The following WDR37 variants were observed in gnomAD, a reference collection of about 807,000 sequenced individuals.
The protein encoded by WDR37 is WD repeat-containing protein 37.
In WDR37, 19 loss-of-function variants were observed where a neutral mutation model predicts 62.9. The ratio of observed to expected loss-of-function variants is 0.30; its 90% CI spans 0.21 to 0.44. The LOEUF (loss-of-function observed/expected upper bound fraction) is 0.44, where lower values mean the gene tolerates loss of function less well. Ranked by LOEUF, WDR37 falls within the 20% of genes least tolerant of loss-of-function variation. WDR37 has a pLI of 1.00. For missense variants in WDR37, 474 were observed against 657.6 expected (o/e 0.72, Z 3.05); for synonymous variants, 250 against 260.9 (o/e 0.96, Z 0.40).
In WDR37 at chr10:1,121,575, G is replaced by A. The variant is rs1006253940; in HGVS notation, c.1104-2643G>A. On this transcript the variant is annotated intron_variant, in intron 11 of 13. Transcript: ENST00000263150. The surrounding 1 kb of genome is among the most constrained non-coding windows in gnomAD (Gnocchi z 4.5). ...GCTGCTCTCGTTACCCAGGCTGGGC[G>A]TTTGCTTGTGTCCTGCCCCGTGTGA... Among the ~76,000 whole-genome samples the A allele has an allele frequency of 3.9e-5, 6 of 152,188 alleles. No individual in the cohort carries two copies. The highest frequency in any genetic ancestry group is 7.2e-5 in the African/African-American group (3 of 41,430).
intron 1 of WDR37, among the ~76,000 whole-genome samples, chr10:1,065,573 G>A (rs1188141482): frequency 6.6e-6 from 1 of 151,782 alleles, no homozygotes; most frequent in Non-Finnish European, 1.5e-5. Flanking sequence ...AGTGTAATTG[G>A]TCCTGTCAGT....
At chr10:1,094,202 C>T (rs1024040586) in intron 8 of WDR37, among the ~76,000 whole-genome samples, 11 of 152,174 alleles carry the variant, frequency 7.2e-5, no homozygotes, top group Non-Finnish European at 1.0e-4. Flanking sequence ...CAGGCTCTGT[C>T]GCCAGTACTG....
chr10:1,079,933 T>C (rs573884452), intron 3 of WDR37, 78 bp from the exon 4 acceptor site: 4 of 1,184,028 alleles, frequency 3.4e-6, no homozygotes, highest in Non-Finnish European at 4.9e-6. Context: ...ATTTTTTCTG[T>C]GTGCGAGTTT....
At chr10:1,080,779 G>A (rs535239376) in intron 5 of WDR37, among the ~76,000 whole-genome samples, 1 of 151,926 alleles carries the variant, frequency 6.6e-6, no homozygotes, top group Non-Finnish European at 1.5e-5. Context: ...GGTGGCGGGT[G>A]CCTGTAATCC....
At chr10:1,069,904 A>G (rs530194073) in intron 1 of WDR37, among the ~76,000 whole-genome samples, 34 of 152,256 alleles carry the variant, frequency 2.2e-4, no homozygotes, top group Admixed American at 1.4e-3. Flanking sequence ...ATCTGCAGTT[A>G]TTTCAAAATA....
Position 1,056,829 on chromosome 10 carries a change from G to T in WDR37, c.-180G>T, listed in dbSNP as rs1589065943. 1 of 152,364 alleles carries T rather than the reference G, an allele frequency of 6.6e-6. No individual in the cohort carries two copies. Among genetic ancestry groups the T allele is most frequent in the African/African-American group, 2.4e-5 (1 of 41,452 alleles). The allele number at this position is 152,364 out of a possible 1,614,324, so 9.4% of individuals were successfully genotyped here. On this transcript the variant is annotated 5_prime_UTR_variant, in exon 1 of 14. Transcript: ENST00000263150. Reference sequence around the variant, plus strand: ...CGGAAGTGCATTAGCGCCAGGTTGGGGTTGTGGGGTCGCGTCAGTGCGGAG... The same window carrying T: ...CGGAAGTGCATTAGCGCCAGGTTGGTGTTGTGGGGTCGCGTCAGTGCGGAG...
At position 1,129,263 on chromosome 10, in the gene WDR37, G is replaced by A. The variant is rs1316191738; in HGVS notation, c.1404G>A (p.Val468=). ...CGGCATGGAGTGAAGACCACCCCGT[G>A]TGCAATCTGTTCACCTGTGGGTTTG... ...CCSAWSEDHP[V]CNLFTCGFDR... Residue 468 remains valine, a synonymous_variant, in exon 14 of 14, where the codon GTG becomes GTA. Coordinates refer to ENST00000263150, the MANE Select transcript of WDR37 (RefSeq NM_014023.4). 1 of 1,614,184 alleles carries A rather than the reference G, an allele frequency of 6.2e-7. No homozygotes were observed. Among genetic ancestry groups the A allele is most frequent in the Admixed American group, 1.7e-5 (1 of 60,026 alleles).
At chr10:1,109,593 C>T (rs1277007992) in intron 11 of WDR37, among the ~76,000 whole-genome samples, 1 of 152,158 alleles carries the variant, frequency 6.6e-6, no homozygotes, top group Non-Finnish European at 1.5e-5. Context: ...CGCCTGTAAT[C>T]CCAGCTACTT....
At chr10:1,095,732 A>G (rs1436555565) in intron 8 of WDR37, among the ~76,000 whole-genome samples, 1 of 152,212 alleles carries the variant, frequency 6.6e-6, no homozygotes, top group Non-Finnish European at 1.5e-5. Context: ...ACACATGAGC[A>G]GTGCTGATAG....
rs560629464 is a variant in WDR37 at position 1,060,139 on chromosome 10, C to A, written c.-41+3171C>A. Among the ~76,000 whole-genome samples, 3 of 152,282 alleles carry A rather than the reference C, an allele frequency of 2.0e-5. No individual in the cohort carries two copies. In the South Asian group the frequency reaches 6.2e-4, roughly 32 times the overall value. Reference sequence around the variant, plus strand: ...CGGGCATGAGCCATCATGCCTGGCCCAATATTACAGCATTTCTAAAGATGA... The same window carrying A: ...CGGGCATGAGCCATCATGCCTGGCCAAATATTACAGCATTTCTAAAGATGA... On this transcript the variant is annotated intron_variant, in intron 1 of 13. Transcript: ENST00000263150.
intron 7 of WDR37, among the ~76,000 whole-genome samples, chr10:1,092,111 C>T (rs1426722978): frequency 7.1e-5 from 10 of 141,194 alleles, no homozygotes; most frequent in African/African-American, 1.6e-4. Flanking sequence ...ACCTGGGAGG[C>T]GGAGCTTGCA....
chr10:1,075,153 C>T (rs1361892754), intron 2 of WDR37, among the ~76,000 whole-genome samples: 1 of 152,194 alleles, frequency 6.6e-6, no homozygotes, highest in African/African-American at 2.4e-5. Flanking sequence ...TGTAAGCGCG[C>T]TCTTCCTGGG....
In WDR37 at chr10:1,131,801, G is replaced by T. The variant is rs937388582; in HGVS notation, c.*2457G>T. On this transcript the variant is annotated 3_prime_UTR_variant, in exon 14 of 14. Transcript: ENST00000263150. The stretch of plus-strand genomic sequence containing the variant: ...TTGGAAGTGGGAACAGTTTTGTCCT[G>T]TATGCTGATGTGTCCAGAATTTCAT... 3 of 152,268 alleles carry T rather than the reference G, an allele frequency of 2.0e-5. No homozygotes were observed. The highest frequency in any genetic ancestry group is 2.0e-4 in the Admixed American group (3 of 15,276). 9.4% of individuals were successfully genotyped at this position (152,268 alleles called of 1,614,324 possible).
chr10:1,111,809 T>C lies in WDR37; in HGVS notation c.1103+6542T>C, dbSNP rs181514152. ...TTCATATAGCAGAAATGTGAAGTTG[T>C]AGTATGTGTTGTTATTAGAAATAAT... On this transcript the variant is annotated intron_variant, in intron 11 of 13. Coordinates refer to ENST00000263150, the MANE Select transcript of WDR37 (RefSeq NM_014023.4). Among the ~76,000 whole-genome samples, 17 of 152,368 alleles carry C rather than the reference T, an allele frequency of 1.1e-4. No individual in the cohort carries two copies. The East Asian group carries it at 3.1e-3, about 28-fold the overall frequency.
chr10:1,073,074 A>G (rs919113005), intron 2 of WDR37, among the ~76,000 whole-genome samples: 7 of 152,200 alleles, frequency 4.6e-5, no homozygotes, highest in Admixed American at 2.0e-4. Context: ...TTTTTGATAA[A>G]GATAAGTTTT....
At chr10:1,067,242 A>G (rs942759265) in intron 1 of WDR37, among the ~76,000 whole-genome samples, 5 of 152,208 alleles carry the variant, frequency 3.3e-5, no homozygotes, top group African/African-American at 1.2e-4. Flanking sequence ...CACAGGTGAA[A>G]ACAAACAACA....
At position 1,084,483 on chromosome 10, in the gene WDR37, C is replaced by T. The variant is rs367705537; in HGVS notation, c.477C>T (p.Ile159=). The change falls in exon 6 of 14, where the codon ATC becomes ATT. Residue 159 remains isoleucine, a synonymous_variant. Transcript: ENST00000263150. ...AGTACATCGGCCACCGGGACGGCAT[C>T]TGGGATGTCAGCGTGGCCAAGACAC... is the stretch of plus-strand genomic sequence containing the variant. ...VKEYIGHRDG[I]WDVSVAKTQP... The T allele has an allele frequency of 1.4e-5, 22 of 1,614,090 alleles. No individual in the cohort carries two copies. Among genetic ancestry groups the T allele is most frequent in the Non-Finnish European group, 1.8e-5 (21 of 1,180,044 alleles).
In WDR37 at chr10:1,082,163, C is replaced by T. The variant is rs370140003; in HGVS notation, c.396+1687C>T. Among the ~76,000 whole-genome samples, 59 of 152,294 alleles carry T rather than the reference C, an allele frequency of 3.9e-4. 1 individual carries two copies. In the East Asian group the frequency reaches 5.4e-3, roughly 14 times the overall value. ...TTTGGTAACAGAATATATTCTGATT[C>T]GTACTACAGTGTGGATTCTTGGTGC... On this transcript the variant is annotated intron_variant, in intron 5 of 13. Transcript: ENST00000263150.
intron 3 of WDR37, among the ~76,000 whole-genome samples, chr10:1,078,209 TAAATAA>T (rs1184339049): frequency 6.6e-6 from 1 of 152,070 alleles, no homozygotes; most frequent in Non-Finnish European, 1.5e-5. Context: ...CAAAAGTAAA[TAAATAA>T]AAATAAAAAA....
Sources: allele counts gnomAD v4.1 joint callset (sites outside exome capture counted in the v4.1 genomes callset), GRCh38; gene constraint gnomAD v4.1.1; non-coding constraint Gnocchi (gnomAD v3.1); transcripts MANE v1.5; gene names NCBI Gene and HGNC (gene_info 2026-07-23, HGNC 2026-07-21).